The following ACACA variants were observed in gnomAD, a reference collection of about 807,000 sequenced individuals.
ACACA encodes acetyl-CoA carboxylase alpha, also known as acetyl-CoA carboxylase 1.
Under a neutral mutation model 296.1 loss-of-function variants are expected in ACACA, and 103 were observed. The observed-to-expected ratio is 0.35, with a 90% CI of 0.30 to 0.41. The LOEUF is 0.41. Among genes scored for constraint, ACACA ranks in the 10% least tolerant of loss-of-function variants. The pLI, the probability that ACACA is intolerant of heterozygous loss-of-function variation, is 1.00. For missense variants in ACACA, 1,554 were observed against 2,989.7 expected (o/e 0.52, Z 11.20); for synonymous variants, 953 against 1,038.6 (o/e 0.92, Z 1.58).
intron 3 of ACACA, among the ~76,000 whole-genome samples, chr17:37,316,723 A>G (rs1318779141): frequency 2.0e-5 from 3 of 152,222 alleles, no homozygotes; most frequent in Non-Finnish European, 4.4e-5. Flanking sequence ...GGAAATCAAC[A>G]TATCAAAGAG....
At chr17:37,219,464 G>A (rs993648671) in intron 29 of ACACA, among the ~76,000 whole-genome samples, 2 of 152,038 alleles carry the variant, frequency 1.3e-5, no homozygotes, top group Non-Finnish European at 2.9e-5. Context: ...GGTCAGAAGT[G>A]CAAGTGGCCA....
chr17:37,108,445 A>G (rs1269356851), intron 52 of ACACA, among the ~76,000 whole-genome samples: 1 of 151,652 alleles, frequency 6.6e-6, no homozygotes, highest in Non-Finnish European at 1.5e-5. Context: ...CTGGAGTGCA[A>G]TGGCGCGATC....
intron 48 of ACACA, among the ~76,000 whole-genome samples, chr17:37,124,520 T>C (rs1460422441): frequency 1.3e-5 from 2 of 152,158 alleles, no homozygotes; most frequent in Non-Finnish European, 2.9e-5. Context: ...GGTCTTAGTG[T>C]GCCGTGAGGA....
chr17:37,262,569 T>C (rs1306039887), intron 11 of ACACA, among the ~76,000 whole-genome samples: 1 of 152,264 alleles, frequency 6.6e-6, no homozygotes, highest in Admixed American at 6.5e-5. Context: ...CAGCCATAAA[T>C]AACACATAAA....
intron 3 of ACACA, among the ~76,000 whole-genome samples, chr17:37,329,138 C>T (rs2047744845): frequency 6.6e-6 from 1 of 152,232 alleles, no homozygotes; most frequent in South Asian, 2.1e-4. Context: ...TATTAACAGC[C>T]CTTTATTGGG....
intron 14 of ACACA, among the ~76,000 whole-genome samples, chr17:37,256,294 G>A (rs911880216): frequency 5.9e-5 from 9 of 152,126 alleles, no homozygotes; most frequent in East Asian, 1.9e-4. Flanking sequence ...ATATGGCAGC[G>A]AATATGCTTA....
intron 52 of ACACA, 35 bp downstream of exon 52, chr17:37,111,496 G>C (rs773010333): frequency 6.7e-7 from 1 of 1,488,154 alleles, no homozygotes; most frequent in South Asian, 1.1e-5. Flanking sequence ...CAGCTGAATG[G>C]CTCATTGATT....
intron 10 of ACACA, among the ~76,000 whole-genome samples, chr17:37,264,712 T>C (rs1230106914): frequency 6.6e-5 from 10 of 152,344 alleles, no homozygotes; most frequent in East Asian, 5.8e-4. Context: ...CTCCATTCTC[T>C]TTCTCTTCTC....
intron 3 of ACACA, among the ~76,000 whole-genome samples, chr17:37,292,807 T>C (rs2083134533): frequency 6.6e-6 from 1 of 152,168 alleles, no homozygotes; most frequent in African/African-American, 2.4e-5. Context: ...GAGGTTGCAG[T>C]GAGCTGAGAG....
chr17:37,333,266 T>C (rs1209850649), intron 2 of ACACA, among the ~76,000 whole-genome samples: 1 of 151,946 alleles, frequency 6.6e-6, no homozygotes, highest in Non-Finnish European at 1.5e-5. Flanking sequence ...CTATCAAACA[T>C]CGGGAAGCCA....
intron 1 of ACACA, among the ~76,000 whole-genome samples, chr17:37,390,239 A>ATATATT (rs2050760255): frequency 2.0e-5 from 1 of 49,600 alleles, no homozygotes; most frequent in African/African-American, 1.4e-4. Flanking sequence ...TATATATAAT[A>ATATATT]TATTATATAT....
At chr17:37,401,668 C>T (rs2051296772) in intron 1 of ACACA, among the ~76,000 whole-genome samples, 1 of 151,898 alleles carries the variant, frequency 6.6e-6, no homozygotes, top group Non-Finnish European at 1.5e-5. Context: ...AAGTGATTCT[C>T]CTACCTCAGC....
chr17:37,094,479 G>A (rs2072847681), intron 54 of ACACA, among the ~76,000 whole-genome samples: 1 of 151,922 alleles, frequency 6.6e-6, no homozygotes, highest in Admixed American at 6.6e-5. Flanking sequence ...AGGATTAGAG[G>A]GTCACTTCCT....
chr17:37,325,408 T>C (rs949999111), intron 3 of ACACA, among the ~76,000 whole-genome samples: 2 of 150,680 alleles, frequency 1.3e-5, no homozygotes, highest in African/African-American at 4.9e-5. Flanking sequence ...TCTTCTTAAA[T>C]GTTCAATTGA....
intron 2 of ACACA, among the ~76,000 whole-genome samples, chr17:37,331,921 T>A (rs985440883): frequency 6.6e-6 from 1 of 152,078 alleles, no homozygotes; most frequent in Non-Finnish European, 1.5e-5. Context: ...AAACTTTACT[T>A]GTCCTCATGA....
chr17:37,220,733 G>A (rs2079247054), intron 29 of ACACA, among the ~76,000 whole-genome samples: 1 of 152,196 alleles, frequency 6.6e-6, no homozygotes, highest in Admixed American at 6.5e-5. Flanking sequence ...GCCGACCTCT[G>A]CTGGATCAAC....
At chr17:37,354,275 A>G (rs572327784) in intron 1 of ACACA, among the ~76,000 whole-genome samples, 6 of 152,200 alleles carry the variant, frequency 3.9e-5, no homozygotes, top group Non-Finnish European at 8.8e-5. Context: ...GAATGAGTCT[A>G]AGTCTCAACA....
chr17:37,166,685 A>C (rs1223122823), intron 41 of ACACA, among the ~76,000 whole-genome samples: 1 of 152,184 alleles, frequency 6.6e-6, no homozygotes, highest in African/African-American at 2.4e-5. Context: ...TCTTGGTTCA[A>C]ATCTCAGTTT....
At chr17:37,190,321 C>T (rs1214295623) in intron 38 of ACACA, among the ~76,000 whole-genome samples, 1 of 151,732 alleles carries the variant, frequency 6.6e-6, no homozygotes, top group East Asian at 1.9e-4. Flanking sequence ...CCCTGCTACT[C>T]GGGGAGGCTG....
Sources: gnomAD v4.1 joint callset for allele counts (sites outside exome capture counted in the v4.1 genomes callset) on GRCh38, gnomAD v4.1.1 for gene constraint, MANE v1.5 for transcripts, NCBI Gene and HGNC (gene_info 2026-07-23, HGNC 2026-07-21) for gene names.